AGBL4: variants seen among roughly 807,000 people sequenced by gnomAD.
AGBL4 encodes cytosolic carboxypeptidase 6.
AGBL4 carries 58 observed loss-of-function variants against 66.4 expected under a neutral mutation model. The ratio of observed to expected loss-of-function variants is 0.87; its 90% CI spans 0.71 to 1.09. AGBL4 has a LOEUF of 1.09. Among genes scored for constraint, AGBL4 ranks in the 50% least tolerant of loss-of-function variants. The pLI, the probability that AGBL4 is intolerant of heterozygous loss-of-function variation, is 0.00. For synonymous variants in AGBL4, 234 were observed against 222.9 expected (o/e 1.05, Z -0.44); for missense variants, 579 against 631.0 (o/e 0.92, Z 0.88).
chr1:49,289,526 T>C (rs1644494567), intron 3 of AGBL4, among the ~76,000 whole-genome samples: 1 of 152,212 alleles, frequency 6.6e-6, no homozygotes, highest in South Asian at 2.1e-4. Context: ...TTAGGGCTTC[T>C]GAGGTGTGGC....
chr1:48,551,454 T>C (rs563744054), intron 11 of AGBL4, among the ~76,000 whole-genome samples: 16 of 152,312 alleles, frequency 1.1e-4, no homozygotes, highest in African/African-American at 3.8e-4. Context: ...TATGAAACTG[T>C]CATCTCCAAC....
chr1:48,604,044 A>T (rs914593253), intron 9 of AGBL4, among the ~76,000 whole-genome samples: 3 of 152,154 alleles, frequency 2.0e-5, no homozygotes, highest in Admixed American at 2.0e-4. Context: ...GAGGCACGAG[A>T]ATTGCTTGAA....
At chr1:49,228,289 T>C (rs1485405498) in intron 4 of AGBL4, among the ~76,000 whole-genome samples, 2 of 152,204 alleles carry the variant, frequency 1.3e-5, no homozygotes, top group Non-Finnish European at 2.9e-5. Context: ...TCTAACTTTG[T>C]GAAACTTACA....
intron 3 of AGBL4, among the ~76,000 whole-genome samples, chr1:49,542,514 G>C (rs1192896251): frequency 6.6e-6 from 1 of 152,134 alleles, no homozygotes; most frequent in Admixed American, 6.5e-5. Context: ...CTTCATTCTT[G>C]AAGTCAATGA....
Position 48,736,458 on chromosome 1 carries a change from A to G in AGBL4, c.635-73217T>C. On this transcript the variant is annotated intron_variant, in intron 6 of 13. Coordinates refer to ENST00000371839, the MANE Select transcript of AGBL4 (RefSeq NM_032785.4). The surrounding 1 kb of genome is among the most constrained non-coding windows in gnomAD (Gnocchi z 4.0). Reference sequence around the variant, plus strand: ...ATCCCGCTTCCCAGATGGACCTGAGAGGAATAAGAACACCAGCACCTGTTT... The same window carrying G: ...ATCCCGCTTCCCAGATGGACCTGAGGGGAATAAGAACACCAGCACCTGTTT... 6.2e-7 allele frequency: 1 copy of G among 1,613,656 alleles called. No homozygotes were observed. Among genetic ancestry groups the G allele is most frequent in the East Asian group, 2.2e-5 (1 of 44,878 alleles).
chr1:49,180,837 T>C (rs903694704), intron 4 of AGBL4, among the ~76,000 whole-genome samples: 3 of 152,194 alleles, frequency 2.0e-5, no homozygotes, highest in Non-Finnish European at 4.4e-5. Context: ...TGGATAATTA[T>C]AGGAGGTTGT....
intron 4 of AGBL4, among the ~76,000 whole-genome samples, chr1:49,086,349 C>A (rs2147968831): frequency 6.6e-6 from 1 of 152,014 alleles, no homozygotes; most frequent in African/African-American, 2.4e-5. Flanking sequence ...ACTCAGCTGG[C>A]AGCTGCAGCC....
chr1:48,882,465 AATGAT>A (rs1179555478), intron 5 of AGBL4, among the ~76,000 whole-genome samples: 1 of 152,198 alleles, frequency 6.6e-6, no homozygotes, highest in Non-Finnish European at 1.5e-5. Flanking sequence ...CATGTTGTTA[AATGAT>A]ATGATATGTA....
In AGBL4 at chr1:49,380,797, G is replaced by C. The variant is rs200131633; in HGVS notation, c.283-134933C>G. On this transcript the variant is annotated intron_variant, in intron 3 of 13. Transcript: ENST00000371839. ...TGGGAAAACTGGCTAGCCATATGTA[G>C]ACAGCTGAAACTGGATCCCTTCCTT... Among the ~76,000 whole-genome samples, 498 of 152,260 alleles carry C rather than the reference G, an allele frequency of 3.3e-3. 9 individuals are homozygous for C. The East Asian group carries it at 0.062, about 19-fold the overall frequency.
At chr1:49,668,491 C>G (rs891105777) in intron 3 of AGBL4, among the ~76,000 whole-genome samples, 1 of 152,134 alleles carries the variant, frequency 6.6e-6, no homozygotes, top group Non-Finnish European at 1.5e-5. Context: ...ACATGTAATT[C>G]TGATACTAAT....
intron 3 of AGBL4, among the ~76,000 whole-genome samples, chr1:49,284,627 C>T (rs1034488753): frequency 6.6e-6 from 1 of 152,150 alleles, no homozygotes; most frequent in Admixed American, 6.5e-5. Context: ...TCTGGAAACC[C>T]ATCTCACGTG....
chr1:49,231,028 A>G (rs768497499), intron 4 of AGBL4, among the ~76,000 whole-genome samples: 2 of 152,216 alleles, frequency 1.3e-5, no homozygotes, highest in Non-Finnish European at 2.9e-5. Context: ...AGACATTCAT[A>G]GATTGGCCTT....
At chr1:49,006,370 G>A (rs1003734699) in intron 5 of AGBL4, among the ~76,000 whole-genome samples, 3 of 152,310 alleles carry the variant, frequency 2.0e-5, no homozygotes, top group Non-Finnish European at 4.4e-5. Context: ...TGGCTCGGAG[G>A]GTCCTACGCC....
At chr1:48,668,894 G>A (rs1295531408) in intron 6 of AGBL4, among the ~76,000 whole-genome samples, 1 of 152,228 alleles carries the variant, frequency 6.6e-6, no homozygotes, top group Non-Finnish European at 1.5e-5. Flanking sequence ...TATCAATAGA[G>A]CTTTCCTGGA....
intron 6 of AGBL4, among the ~76,000 whole-genome samples, chr1:48,770,606 C>T (rs1360830786): frequency 6.6e-6 from 1 of 152,194 alleles, no homozygotes; most frequent in South Asian, 2.1e-4. Context: ...GAATGCTCTT[C>T]TGAACCTCAG....
At chr1:49,552,751 T>C (rs1363267083) in intron 3 of AGBL4, among the ~76,000 whole-genome samples, 1 of 152,188 alleles carries the variant, frequency 6.6e-6, no homozygotes. Flanking sequence ...TTTGGAGCTA[T>C]GATTCACAAT....
At chr1:48,610,371 T>C (rs995525772) in intron 9 of AGBL4, among the ~76,000 whole-genome samples, 1 of 152,198 alleles carries the variant, frequency 6.6e-6, no homozygotes, top group African/African-American at 2.4e-5. Context: ...GATGCATTTT[T>C]CAGGCACTAG....
chr1:48,952,852 A>AT (rs1657116935), intron 5 of AGBL4, among the ~76,000 whole-genome samples: 1 of 150,926 alleles, frequency 6.6e-6, no homozygotes, highest in Non-Finnish European at 1.5e-5. Context: ...CCATTATGAG[A>AT]TTTTTTTGTG....
intron 3 of AGBL4, among the ~76,000 whole-genome samples, chr1:49,418,821 T>C (rs999073774): frequency 6.6e-6 from 1 of 152,214 alleles, no homozygotes; most frequent in Non-Finnish European, 1.5e-5. Flanking sequence ...TGGTAGGCCT[T>C]GTAAGGAATT....
Sources: allele counts gnomAD v4.1 joint callset (sites outside exome capture counted in the v4.1 genomes callset), GRCh38; gene constraint gnomAD v4.1.1; non-coding constraint Gnocchi (gnomAD v3.1); transcripts MANE v1.5; gene names NCBI Gene and HGNC (gene_info 2026-07-23, HGNC 2026-07-21).